Variants in EMID1 observed in about 807,000 individuals in gnomAD.
EMID1 encodes EMI domain-containing protein 1.
In EMID1, 40 loss-of-function variants were observed where a neutral mutation model predicts 60.6. The observed-to-expected ratio is 0.66, with a 90% confidence interval of 0.51 to 0.86. EMID1 has a LOEUF of 0.86. Ranked by LOEUF, EMID1 falls within the 40% of genes least tolerant of loss-of-function variation. The pLI, the probability that EMID1 is intolerant of heterozygous loss-of-function variation, is 0.00. For missense variants in EMID1, 585 were observed against 597.1 expected (o/e 0.98, Z 0.21); for synonymous variants, 242 against 231.0 (o/e 1.05, Z -0.43).
chr22:29,224,982 C>G (rs912687960), intron 3 of EMID1, 151 bp from the exon 4 acceptor site: 6 of 723,106 alleles, frequency 8.3e-6, no homozygotes, highest in Non-Finnish European at 1.4e-5. Context: ...CCAGTTCATG[C>G]TGTTTGACCC....
At chr22:29,236,062 C>T (rs1237123240) in intron 12 of EMID1, among the ~76,000 whole-genome samples, 1 of 152,126 alleles carries the variant, frequency 6.6e-6, no homozygotes, top group Non-Finnish European at 1.5e-5. Context: ...TAACAATCCT[C>T]ATCTTTTATT....
At position 29,231,616 on chromosome 22, in the gene EMID1, C is replaced by T. The variant is rs1395798526; in HGVS notation, c.610C>T (p.Pro204Ser). ...AGACCAAGTCGGTGCTTGGGGGCTT[C>T]CCGGGCCCACCGGCCCCAAGGGAGA... The part of the protein sequence containing the change: ...LQDQVGAWGL[P>S]GPTGPKGDAG... The change falls in exon 7 of 15, where the codon CCC becomes TCC. Residue 204 changes from proline to serine, a missense_variant. Transcript: ENST00000334018. 1 of 1,522,248 alleles carries T rather than the reference C, an allele frequency of 6.6e-7. No homozygotes were observed. Among genetic ancestry groups the T allele is most frequent in the African/African-American group, 1.4e-5 (1 of 72,686 alleles). The allele number at this position is 1,522,248 out of a possible 1,614,324, so 94.3% of individuals were successfully genotyped here. A position where few individuals can be genotyped will look rare whatever the true frequency, so the allele number is the denominator to read the frequency against.
chr22:29,244,713 C>T (rs1041364609), intron 13 of EMID1, among the ~76,000 whole-genome samples: 8 of 151,570 alleles, frequency 5.3e-5, no homozygotes, highest in South Asian at 2.1e-4. Flanking sequence ...GAGGGATTTT[C>T]GGGTTAGGAC....
At position 29,225,193 on chromosome 22, in the gene EMID1, C is replaced by T. The variant is rs539755640; in HGVS notation, c.380C>T (p.Ala127Val). 8.7e-6 allele frequency: 14 copies of T among 1,613,866 alleles called. No homozygotes were observed. The highest frequency in any genetic ancestry group is 5.5e-5 in the South Asian group (5 of 91,082). The stretch of plus-strand genomic sequence containing the variant: ...TCGGGCAGTACCATGCGGCGGATGG[C>T]GCTTCGGCCCACAGCCTTCTCAGGT... ...MWSGSTMRRM[A>V]LRPTAFSGCL... Residue 127 changes from alanine to valine, a missense_variant, in exon 4 of 15, where the codon GCG (alanine) becomes GTG (valine). Coordinates refer to ENST00000334018, the MANE Select transcript of EMID1 (RefSeq NM_133455.4).
intron 1 of EMID1, among the ~76,000 whole-genome samples, chr22:29,210,595 T>C (rs977082251): frequency 2.2e-4 from 34 of 152,186 alleles, no homozygotes; most frequent in African/African-American, 7.9e-4. Context: ...TGCAGTGGCG[T>C]GAATATAGCT....
In EMID1 at chr22:29,233,410, G is replaced by A. The variant is rs946939558; in HGVS notation, c.855G>A (p.Glu285=). ...CATTGCTGTCCAACACCTTCACTGA[G>A]ACCAACAACCACTGGCCCCAGGGAC... The part of the protein sequence containing the change: ...GDPLLSNTFT[E]TNNHWPQGPT... Residue 285 remains glutamate (E), a synonymous_variant, in exon 9 of 15, where the codon GAG becomes GAA. Coordinates refer to ENST00000334018, the MANE Select transcript of EMID1 (RefSeq NM_133455.4). 3 of 1,614,108 alleles carry A rather than the reference G, an allele frequency of 1.9e-6. No individual in the cohort carries two copies. The highest frequency in any genetic ancestry group is 1.1e-5 in the South Asian group (1 of 91,088).
chr22:29,228,642 A>G (rs1213867968), intron 5 of EMID1, among the ~76,000 whole-genome samples: 2 of 152,228 alleles, frequency 1.3e-5, no homozygotes, highest in African/African-American at 2.4e-5. Flanking sequence ...GAGTGCAGGC[A>G]TTGCAATCTG....
In EMID1 at chr22:29,215,465, A is replaced by G; in HGVS notation, c.216-62A>G. 5 of 1,519,846 alleles carry G rather than the reference A, an allele frequency of 3.3e-6. No homozygotes were observed. The South Asian group carries it at 5.7e-5, about 17-fold the overall frequency. 94.1% of individuals were successfully genotyped at this position (1,519,846 alleles called of 1,614,324 possible). The stretch of plus-strand genomic sequence containing the variant: ...TCTAGGTTTGTCCCCATGGGTGTCC[A>G]GGGCAGTGGGAGAGGTCATGGAGGA... On this transcript the variant is annotated intron_variant, in intron 2 of 14. Coordinates refer to ENST00000334018, the MANE Select transcript of EMID1 (RefSeq NM_133455.4).
At chr22:29,232,670 T>C (rs2146302813) in intron 8 of EMID1, 1 of 424,236 alleles carries the variant, frequency 2.4e-6, no homozygotes, top group African/African-American at 2.0e-5. Context: ...GAACCTGTGC[T>C]TAGAGCCACC....
intron 12 of EMID1, 66 bp from the exon 13 acceptor site, chr22:29,243,378 CT>C (rs962460188): frequency 4.6e-6 from 7 of 1,526,608 alleles, no homozygotes; most frequent in East Asian, 4.6e-5. Flanking sequence ...TTTCCTCCCT[CT>C]TTTTTTCCCG....
chr22:29,252,269 G>T (rs1222925050), intron 13 of EMID1, among the ~76,000 whole-genome samples: 2 of 152,216 alleles, frequency 1.3e-5, no homozygotes, highest in East Asian at 3.9e-4. Flanking sequence ...GGATCACAAG[G>T]GTCAGCCCCA....
chr22:29,213,924 C>A (rs1386401567), intron 1 of EMID1, among the ~76,000 whole-genome samples: 1 of 152,188 alleles, frequency 6.6e-6, no homozygotes, highest in Non-Finnish European at 1.5e-5. Flanking sequence ...TCTGGCTTCT[C>A]CACGCACCAG....
chr22:29,231,384 TG>T (rs1690171707), intron 6 of EMID1: 1 of 806,706 alleles, frequency 1.2e-6, no homozygotes, highest in Non-Finnish European at 2.1e-6. Flanking sequence ...GAGCTGGGAG[TG>T]GGGATTCTGG....
chr22:29,205,991 G>T lies in EMID1; in HGVS notation c.-48G>T. 3 of 1,127,146 alleles carry T rather than the reference G, an allele frequency of 2.7e-6. No homozygotes were observed. The highest frequency in any genetic ancestry group is 1.1e-6 in the Non-Finnish European group (1 of 910,970). 69.8% of individuals were successfully genotyped at this position (1,127,146 alleles called of 1,614,324 possible). On this transcript the variant is annotated 5_prime_UTR_variant, in exon 1 of 15. Transcript: ENST00000334018. ...GGCAGGCAGGCGGGGAGGACAGGCT[G>T]GGGGCGGCGACCGCGAGGGGCCGCG... is the stretch of plus-strand genomic sequence containing the variant.
chr22:29,217,131 CCAGA>C (rs1393380455), intron 3 of EMID1, among the ~76,000 whole-genome samples: 2 of 152,188 alleles, frequency 1.3e-5, no homozygotes, highest in Non-Finnish European at 2.9e-5. Context: ...CAGAGCCTCC[CCAGA>C]CAAAGGCCAT....
At chr22:29,253,156 C>A (rs1324318250) in intron 13 of EMID1, among the ~76,000 whole-genome samples, 2 of 152,184 alleles carry the variant, frequency 1.3e-5, no homozygotes, top group Non-Finnish European at 2.9e-5. Flanking sequence ...CAAAAATGCA[C>A]TTTTTTGGCC....
intron 3 of EMID1, among the ~76,000 whole-genome samples, chr22:29,218,191 T>C (rs577178599): frequency 5.9e-5 from 9 of 152,364 alleles, no homozygotes; most frequent in African/African-American, 2.2e-4. Flanking sequence ...ATGCTGGGGA[T>C]TCCGTGGCGA....
At chr22:29,232,479 A>G (rs1381273571) in intron 8 of EMID1, 77 bp downstream of exon 8, 3 of 1,430,240 alleles carry the variant, frequency 2.1e-6, no homozygotes, top group Non-Finnish European at 2.8e-6. Flanking sequence ...ACCATCTGCC[A>G]CGTGCCTTCT....
At chr22:29,245,953 T>C (rs2041315217) in intron 13 of EMID1, among the ~76,000 whole-genome samples, 1 of 152,330 alleles carries the variant, frequency 6.6e-6, no homozygotes, top group East Asian at 1.9e-4. Flanking sequence ...GGGCACTGTT[T>C]ACACAGATGC....
Sources: allele counts gnomAD v4.1 joint callset (sites outside exome capture counted in the v4.1 genomes callset), GRCh38; gene constraint gnomAD v4.1.1; transcripts MANE v1.5; gene names NCBI Gene and HGNC (gene_info 2026-07-23, HGNC 2026-07-21).